The following SLC14A2 variants were observed in gnomAD, a reference collection of about 807,000 sequenced individuals.
The protein encoded by SLC14A2 is solute carrier family 14 member 2, also known as urea transporter 2.
SLC14A2 carries 91 observed loss-of-function variants against 104.6 expected under a neutral mutation model. The observed-to-expected ratio is 0.87, with a 90% confidence interval of 0.73 to 1.04. The LOEUF (loss-of-function observed/expected upper bound fraction) is 1.04, where lower values mean the gene tolerates loss of function less well. SLC14A2 is among the 50% of genes least tolerant of loss of function. SLC14A2 has a pLI of 0.00. For missense variants in SLC14A2, 1,189 were observed against 1,156.0 expected (o/e 1.03, Z -0.41); for synonymous variants, 476 against 466.4 (o/e 1.02, Z -0.27).
At chr18:45,223,275 C>T (rs985176598) in intron 1 of SLC14A2, among the ~76,000 whole-genome samples, 9 of 152,170 alleles carry the variant, frequency 5.9e-5, no homozygotes, top group African/African-American at 1.7e-4. Context: ...TGTGAGAGGT[C>T]ACAATGACGG....
chr18:45,373,396 C>T (rs1210060169), intron 1 of SLC14A2, among the ~76,000 whole-genome samples: 1 of 152,166 alleles, frequency 6.6e-6, no homozygotes, highest in Non-Finnish European at 1.5e-5. Context: ...TTATCCATCC[C>T]AACACTAGCT....
intron 7 of SLC14A2, 74 bp downstream of exon 7, chr18:45,639,967 A>G (rs1164165322): frequency 7.4e-7 from 1 of 1,353,510 alleles, no homozygotes; most frequent in East Asian, 2.5e-5. Context: ...CATACAGCAA[A>G]TCTTCCAGAC....
At chr18:45,479,540 A>G (rs2087452105) in intron 1 of SLC14A2, among the ~76,000 whole-genome samples, 1 of 152,162 alleles carries the variant, frequency 6.6e-6, no homozygotes, top group Admixed American at 6.5e-5. Flanking sequence ...TCTTGTCAGC[A>G]TACTACTCTC....
chr18:45,268,780 G>A (rs1008055827), intron 1 of SLC14A2, among the ~76,000 whole-genome samples: 1 of 152,072 alleles, frequency 6.6e-6, no homozygotes, highest in Non-Finnish European at 1.5e-5. Flanking sequence ...CAAAGGTTGA[G>A]CCTTATATGA....
At position 45,304,896 on chromosome 18, in the gene SLC14A2, T is replaced by C. The variant is rs534159669; in HGVS notation, c.-125+91705T>C. Among the ~76,000 whole-genome samples, 191 of 152,384 alleles carry C rather than the reference T, an allele frequency of 1.3e-3. No homozygotes were observed. The Middle Eastern group carries it at 0.017, about 14-fold the overall frequency. ...ATTGAGGAATGAGGGGCAACTCTTC[T>C]TTGGCACATGAATCATGTCTAACAT... On this transcript the variant is annotated intron_variant, in intron 1 of 20. Coordinates refer to the SLC14A2 transcript ENST00000586448.
At chr18:45,233,341 A>T (rs1367206809) in intron 1 of SLC14A2, among the ~76,000 whole-genome samples, 1 of 152,218 alleles carries the variant, frequency 6.6e-6, no homozygotes, top group Non-Finnish European at 1.5e-5. Flanking sequence ...TTACTTGTTC[A>T]AGATAAACTA....
intron 1 of SLC14A2, among the ~76,000 whole-genome samples, chr18:45,250,844 C>G (rs1031172013): frequency 6.9e-6 from 1 of 145,630 alleles, no homozygotes; most frequent in Non-Finnish European, 1.5e-5. Context: ...AATAGAAAGC[C>G]AGTTGTGAAC....
chr18:45,183,024 C>T, the SLC14A2 span, among the ~76,000 whole-genome samples: 1 of 152,042 alleles, frequency 6.6e-6, no homozygotes, highest in Admixed American at 6.6e-5. Flanking sequence ...TATAAATGGC[C>T]AAAAACAGAG....
In SLC14A2 at chr18:45,668,035, G is replaced by A. The variant is rs376105217; in HGVS notation, c.1907+13G>A. 1.6e-5 allele frequency: 26 copies of A among 1,613,096 alleles called. No individual in the cohort carries two copies. The African/African-American group carries it at 3.5e-4, about 22-fold the overall frequency. On this transcript the variant is annotated intron_variant, in intron 14 of 19. Coordinates refer to ENST00000255226, the MANE Select transcript of SLC14A2 (RefSeq NM_007163.4). ...TGAGTCAGGACAAGTAAGTCCCAGAGGCTCAGGGTCCAAACATGTAGCCAA... is the reference window on the plus strand; with the variant it reads ...TGAGTCAGGACAAGTAAGTCCCAGAAGCTCAGGGTCCAAACATGTAGCCAA...
In SLC14A2 at chr18:45,461,771, G is replaced by T. The variant is rs182867018; in HGVS notation, c.-124-21462G>T. Among the ~76,000 whole-genome samples the T allele has an allele frequency of 3.9e-4, 59 of 152,184 alleles. No homozygotes were observed. The East Asian group carries it at 0.01, about 26-fold the overall frequency. On this transcript the variant is annotated intron_variant, in intron 1 of 20. Coordinates refer to the SLC14A2 transcript ENST00000586448. ...TCGTTTGAGCATAATCATATATTTG[G>T]GTTAAGGAGAATTACTCATCTTCAG...
upstream of SLC14A2, among the ~76,000 whole-genome samples, chr18:45,211,010 A>G (rs776905370): frequency 1.1e-4 from 16 of 152,184 alleles, no homozygotes; most frequent in Non-Finnish European, 1.6e-4. Flanking sequence ...TTTATTACTA[A>G]AGGCAACAGG....
At chr18:45,523,249 G>C (rs1302087830) in intron 2 of SLC14A2, among the ~76,000 whole-genome samples, 9 of 152,046 alleles carry the variant, frequency 5.9e-5, no homozygotes, top group Admixed American at 2.6e-4. Context: ...CAGACACCTT[G>C]AGATGTGGAT....
In SLC14A2 at chr18:45,344,650, T is replaced by G. The variant is rs528223160; in HGVS notation, c.-125+131459T>G. On this transcript the variant is annotated intron_variant, in intron 1 of 20. Transcript: ENST00000586448. ...AGGTTGGAGTCAGTAAGGTACCTTATGATAAATAAATCTCCTAATAGGGTC... is the reference window on the plus strand; with the variant it reads ...AGGTTGGAGTCAGTAAGGTACCTTAGGATAAATAAATCTCCTAATAGGGTC... Among the ~76,000 whole-genome samples, 7 of 152,264 alleles carry G rather than the reference T, an allele frequency of 4.6e-5. No homozygotes were observed. The East Asian group carries it at 9.6e-4, about 21-fold the overall frequency.
At chr18:45,188,786 C>A in the SLC14A2 span, among the ~76,000 whole-genome samples, 35,580 of 152,000 alleles carry the variant, frequency 0.23, 4,474 homozygotes, top group Non-Finnish European at 0.3. Context: ...AGGAAATTCC[C>A]AACATATAGA....
intron 19 of SLC14A2, 78 bp downstream of exon 19, chr18:45,679,102 C>A: frequency 7.6e-7 from 1 of 1,317,278 alleles, no homozygotes; most frequent in Non-Finnish European, 1.1e-6. Flanking sequence ...CTGCTGAAAA[C>A]CTCTCTCCTC....
chr18:45,667,955 T>G lies in SLC14A2; in HGVS notation c.1840T>G (p.Trp614Gly). ...CGGCCTCTTCATCCAGAACCCCTGGTGGGCGATCTCAGGCTGCCTGGGTAC... is the reference window on the plus strand; with the variant it reads ...CGGCCTCTTCATCCAGAACCCCTGGGGGGCGATCTCAGGCTGCCTGGGTAC... The part of the protein sequence containing the change: ...ILGLFIQNPW[W>G]AISGCLGTIM... Residue 614 changes from tryptophan (W) to glycine (G), a missense_variant, in exon 14 of 20, where the codon TGG becomes GGG. By Grantham distance (184) the Trp-to-Gly change is radical. Transcript: ENST00000255226. 6.2e-7 allele frequency: 1 copy of G among 1,614,122 alleles called. No homozygotes were observed. Among genetic ancestry groups the G allele is most frequent in the Non-Finnish European group, 8.5e-7 (1 of 1,180,002 alleles).
At chr18:45,215,419 A>C (rs2084001205) in intron 1 of SLC14A2, among the ~76,000 whole-genome samples, 1 of 152,130 alleles carries the variant, frequency 6.6e-6, no homozygotes, top group Admixed American at 6.5e-5. Flanking sequence ...TGAAAGCCCT[A>C]GTCAGAAAAA....
intron 1 of SLC14A2, among the ~76,000 whole-genome samples, chr18:45,276,547 T>C (rs1468890093): frequency 6.6e-6 from 1 of 152,196 alleles, no homozygotes; most frequent in Non-Finnish European, 1.5e-5. Context: ...AGGAACATCA[T>C]TGATATCTGA....
the SLC14A2 span, among the ~76,000 whole-genome samples, chr18:45,207,584 G>A: frequency 7.9e-4 from 120 of 152,266 alleles, no homozygotes; most frequent in African/African-American, 2.9e-3. Context: ...GGAAATTTCA[G>A]TCATAATACT....
Sources: gnomAD v4.1 joint callset for allele counts (sites outside exome capture counted in the v4.1 genomes callset) on GRCh38, gnomAD v4.1.1 for gene constraint, MANE v1.5 for transcripts, NCBI Gene and HGNC (gene_info 2026-07-23, HGNC 2026-07-21) for gene names.